Variants in OCA2 observed in about 807,000 individuals in gnomAD.
The protein encoded by OCA2 is OCA2 melanosomal transmembrane protein.
Under a neutral mutation model 100.2 loss-of-function variants are expected in OCA2, and 77 were observed. That is an observed-to-expected ratio of 0.77 (90% CI 0.64 to 0.93). The LOEUF (loss-of-function observed/expected upper bound fraction) is 0.93, where lower values mean the gene tolerates loss of function less well. Ranked by LOEUF, OCA2 falls within the 40% of genes least tolerant of loss-of-function variation. OCA2 has a pLI of 0.00. For synonymous variants in OCA2, 432 were observed against 439.2 expected (o/e 0.98, Z 0.21); for missense variants, 1,062 against 1,089.1 (o/e 0.98, Z 0.35).
intron 9 of OCA2, 108 bp from the exon 10 acceptor site, chr15:27,990,755 T>A: frequency 3.3e-6 from 3 of 921,626 alleles, no homozygotes; most frequent in Non-Finnish European, 5.4e-6. Context: ...GTGTACCACA[T>A]CTATTCAAAT....
At chr15:27,765,770 G>A (rs1216808793) in intron 23 of OCA2, among the ~76,000 whole-genome samples, 1 of 152,190 alleles carries the variant, frequency 6.6e-6, no homozygotes, top group African/African-American at 2.4e-5. Flanking sequence ...CCGACCCTCG[G>A]TTTGGTCCGG....
At chr15:27,828,281 T>A (rs2034813548) in intron 23 of OCA2, among the ~76,000 whole-genome samples, 1 of 152,124 alleles carries the variant, frequency 6.6e-6, no homozygotes, top group Admixed American at 6.5e-5. Flanking sequence ...ATAGTACCAA[T>A]GTTCCCAAGG....
chr15:27,970,506 G>C (rs2040739616), intron 14 of OCA2, among the ~76,000 whole-genome samples: 1 of 151,848 alleles, frequency 6.6e-6, no homozygotes, highest in Admixed American at 6.6e-5. Flanking sequence ...TATGAAGAAG[G>C]TCCCAGCACA....
intron 2 of OCA2, among the ~76,000 whole-genome samples, chr15:28,064,121 C>G (rs546963817): frequency 5.9e-5 from 9 of 152,244 alleles, no homozygotes; most frequent in African/African-American, 2.2e-4. Context: ...TGTCATCCCA[C>G]TGCCTTCTGG....
chr15:27,917,317 A>T (rs1459628842), intron 19 of OCA2, among the ~76,000 whole-genome samples: 1 of 152,226 alleles, frequency 6.6e-6, no homozygotes, highest in Non-Finnish European at 1.5e-5. Flanking sequence ...ATATTAATAG[A>T]CTATTCTAAA....
chr15:27,939,476 A>G (rs911695875), intron 18 of OCA2, among the ~76,000 whole-genome samples: 1 of 152,240 alleles, frequency 6.6e-6, no homozygotes, highest in African/African-American at 2.4e-5. Context: ...AAATGATGTC[A>G]TCTCATTGTG....
chr15:27,933,951 T>C (rs886121298), intron 18 of OCA2, among the ~76,000 whole-genome samples: 1 of 152,198 alleles, frequency 6.6e-6, no homozygotes, highest in Non-Finnish European at 1.5e-5. Flanking sequence ...GTATGTGTTA[T>C]ATACATATCA....
intron 4 of OCA2, 131 bp downstream of exon 4, chr15:28,027,740 A>T: frequency 1.1e-6 from 1 of 936,944 alleles, no homozygotes; most frequent in East Asian, 2.6e-5. Flanking sequence ...TTGGAGGAAA[A>T]GTGCAGCCTG....
chr15:27,830,765 C>G (rs1567001093), intron 23 of OCA2, among the ~76,000 whole-genome samples: 1 of 152,108 alleles, frequency 6.6e-6, no homozygotes, highest in Non-Finnish European at 1.5e-5. Flanking sequence ...CTGATCCATG[C>G]AGAAAACAGG....
chr15:27,985,329 A>AG, intron 12 of OCA2, 141 bp from the exon 13 acceptor site: 6 of 970,794 alleles, frequency 6.2e-6, no homozygotes, highest in South Asian at 1.4e-5. Flanking sequence ...ACGGAGTCCT[A>AG]GGGGGGCCGA....
chr15:27,841,591 A>T (rs2133248), intron 23 of OCA2, among the ~76,000 whole-genome samples: 31,894 of 152,198 alleles, frequency 0.21, 4,149 homozygotes, highest in East Asian at 0.56. Context: ...CATTTTGACT[A>T]TAGAATATCT....
intron 21 of OCA2, among the ~76,000 whole-genome samples, chr15:27,864,859 C>T (rs1355920264): frequency 6.6e-6 from 1 of 151,836 alleles, no homozygotes; most frequent in Admixed American, 6.6e-5. Flanking sequence ...TGTTTCTCAG[C>T]GGTTCCAACT....
At chr15:27,964,015 C>T (rs1038709173) in intron 15 of OCA2, among the ~76,000 whole-genome samples, 1 of 152,078 alleles carries the variant, frequency 6.6e-6, no homozygotes, top group Non-Finnish European at 1.5e-5. Flanking sequence ...TGGACAAATT[C>T]CTTGAAAGAC....
At chr15:27,868,595 T>A (rs1023106000) in intron 21 of OCA2, among the ~76,000 whole-genome samples, 2 of 151,852 alleles carry the variant, frequency 1.3e-5, no homozygotes, top group African/African-American at 4.8e-5. Flanking sequence ...GCTCAATGGG[T>A]AGAGTTTCAG....
intron 9 of OCA2, among the ~76,000 whole-genome samples, chr15:28,011,302 A>G (rs1208363509): frequency 1.3e-5 from 2 of 152,012 alleles, no homozygotes; most frequent in Admixed American, 1.3e-4. Context: ...CTGATTCTAC[A>G]AAAAAAATTT....
At chr15:28,005,013 C>T (rs1426692292) in intron 9 of OCA2, among the ~76,000 whole-genome samples, 1 of 152,152 alleles carries the variant, frequency 6.6e-6, no homozygotes, top group Non-Finnish European at 1.5e-5. Context: ...ATCACCATGC[C>T]TCACAATGTG....
At chr15:27,991,707 T>C (rs1442003896) in intron 9 of OCA2, among the ~76,000 whole-genome samples, 4 of 152,144 alleles carry the variant, frequency 2.6e-5, no homozygotes, top group Non-Finnish European at 5.9e-5. Context: ...TAATGGTATT[T>C]AAATTATACC....
intron 9 of OCA2, among the ~76,000 whole-genome samples, chr15:28,000,433 C>CTG (rs1228605121): frequency 1.3e-5 from 2 of 152,108 alleles, no homozygotes. Context: ...AAAGTGGACC[C>CTG]TATCCTACAC....
chr15:27,979,868 GTTTTTTT>G lies in OCA2; in HGVS notation c.1503+3470_1503+3476del, dbSNP rs35266057. Among the ~76,000 whole-genome samples the G allele has an allele frequency of 3.7e-5, 4 of 108,032 alleles. No individual in the cohort carries two copies. In the South Asian group the frequency reaches 1.3e-3, roughly 34 times the overall value. The allele number at this position is 108,032 out of a possible 152,430, so 70.9% of individuals were successfully genotyped here. On this transcript the variant is annotated intron_variant, in intron 14 of 23. Coordinates refer to ENST00000354638, the MANE Select transcript of OCA2 (RefSeq NM_000275.3). ...GCACGTGCCACCATGCCCAGCTAGT[GTTTTTTT>G]TTTTTTTTTTTTGGATTTCTAGTAG...
Sources: gnomAD v4.1 joint callset for allele counts (sites outside exome capture counted in the v4.1 genomes callset) on GRCh38, gnomAD v4.1.1 for gene constraint, MANE v1.5 for transcripts, NCBI Gene and HGNC (gene_info 2026-07-23, HGNC 2026-07-21) for gene names.